CSMD1: variants seen among roughly 807,000 people sequenced by gnomAD.
The protein encoded by CSMD1 is CUB and sushi domain-containing protein 1.
A neutral mutation model predicts 417.5 loss-of-function variants in CSMD1; 213 were observed. That is an observed-to-expected ratio of 0.51 (90% CI 0.46 to 0.57). CSMD1 has a LOEUF of 0.57. CSMD1 is among the 20% of genes least tolerant of loss of function. The pLI is 0.00. For missense variants in CSMD1, 6,923 were observed against 4,529.7 expected, an observed-to-expected ratio of 1.53 and a Z score of -15.17; for synonymous variants, 2,862 against 1,736.8, an observed-to-expected ratio of 1.65 and a Z score of -16.11.
At chr8:4,016,965 C>G (rs1053931949) in intron 4 of CSMD1, among the ~76,000 whole-genome samples, 16 of 152,120 alleles carry the variant, frequency 1.1e-4, no homozygotes, top group African/African-American at 3.9e-4. Flanking sequence ...GTCAAAATCC[C>G]TAATGTCTAA....
At chr8:4,008,558 G>T (rs1272728381) in intron 4 of CSMD1, among the ~76,000 whole-genome samples, 1 of 136,298 alleles carries the variant, frequency 7.3e-6, no homozygotes, top group Non-Finnish European at 1.6e-5. Context: ...GATTGTTAAA[G>T]TTAGCACACA....
At position 4,359,573 on chromosome 8, in the gene CSMD1, G is replaced by C. The variant is rs555531481; in HGVS notation, c.415+60380C>G. 2.0e-4 allele frequency among the ~76,000 whole-genome samples: 31 copies of C among 152,248 alleles called. 1 individual carries two copies. The highest frequency in any genetic ancestry group is 1.7e-3 in the Admixed American group (26 of 15,298). On this transcript the variant is annotated intron_variant, in intron 3 of 69. Transcript: ENST00000635120. ...GCGCAGAAGAGCCCTGTGTTCCTTG[G>C]AGATTACATGGTGTTCTAAAAGACT...
At chr8:4,752,941 G>A (rs1363731086) in intron 1 of CSMD1, among the ~76,000 whole-genome samples, 1 of 152,154 alleles carries the variant, frequency 6.6e-6, no homozygotes, top group South Asian at 2.1e-4. Flanking sequence ...GCGTGATGAT[G>A]CTCACAGCAG....
intron 4 of CSMD1, among the ~76,000 whole-genome samples, chr8:4,025,678 C>G (rs1431758215): frequency 6.6e-6 from 1 of 152,032 alleles, no homozygotes; most frequent in Non-Finnish European, 1.5e-5. Context: ...AGTTGAAAGA[C>G]TCAAGAATAA....
In CSMD1 at chr8:2,978,646, A is replaced by G; in HGVS notation, c.8532T>C (p.Asn2844=). ...TGGGCAGGGATCGGTCCCATAAGCC[A>G]TTTGCCATACAGGTCAAGGCTGAAG... ...LGSSALTCMA[N]GLWDRSLPKC... Residue 2844 remains asparagine, a synonymous_variant, in exon 55 of 70, where the codon AAT becomes AAC. Transcript: ENST00000635120. 2 of 1,604,794 alleles carry G rather than the reference A, an allele frequency of 1.2e-6. No individual in the cohort carries two copies. Among genetic ancestry groups the G allele is most frequent in the African/African-American group, 2.7e-5 (2 of 74,918 alleles).
In CSMD1 at chr8:3,732,049, A is replaced by T. The variant is rs558205826; in HGVS notation, c.931+21881T>A. ...GCTCTCCACATTTTTTAGACAAAAA[A>T]AATGCTCCATTCCTATGACCAAAGA... is the stretch of plus-strand genomic sequence containing the variant. On this transcript the variant is annotated intron_variant, in intron 6 of 69. Coordinates refer to ENST00000635120, the MANE Select transcript of CSMD1 (RefSeq NM_033225.6). Among the ~76,000 whole-genome samples the T allele has an allele frequency of 2.8e-3, 419 of 152,070 alleles. 3 individuals carry two copies. The highest frequency in any genetic ancestry group is 9.5e-3 in the African/African-American group (396 of 41,526).
chr8:4,246,428 G>A (rs184788982), intron 3 of CSMD1, among the ~76,000 whole-genome samples: 1 of 152,118 alleles, frequency 6.6e-6, no homozygotes, highest in Non-Finnish European at 1.5e-5. Context: ...TGTAGAGAAA[G>A]GGCACTCCAT....
intron 22 of CSMD1, among the ~76,000 whole-genome samples, 174 bp downstream of exon 22, chr8:3,347,818 C>G (rs1470596241): frequency 6.6e-6 from 1 of 152,140 alleles, no homozygotes; most frequent in Non-Finnish European, 1.5e-5. Context: ...ATACACTGCT[C>G]TAAGCGAAGT....
At chr8:4,181,756 C>G (rs1239459070) in intron 3 of CSMD1, among the ~76,000 whole-genome samples, 1 of 152,262 alleles carries the variant, frequency 6.6e-6, no homozygotes, top group Non-Finnish European at 1.5e-5. Flanking sequence ...CAATTCTTAT[C>G]TTGTCATTGA....
intron 3 of CSMD1, among the ~76,000 whole-genome samples, chr8:4,260,680 G>T (rs761847343): frequency 2.6e-5 from 4 of 152,078 alleles, no homozygotes; most frequent in Non-Finnish European, 4.4e-5. Flanking sequence ...TTTGCGAGAG[G>T]TTAATCCAAA....
At chr8:3,990,180 CA>C (rs1204679216) in intron 5 of CSMD1, among the ~76,000 whole-genome samples, 1 of 152,034 alleles carries the variant, frequency 6.6e-6, no homozygotes, top group African/African-American at 2.4e-5. Context: ...GGGCCACATA[CA>C]AAAAGAAAGA....
intron 3 of CSMD1, among the ~76,000 whole-genome samples, chr8:4,275,659 CAA>C (rs1309588885): frequency 1.3e-5 from 2 of 152,028 alleles, no homozygotes; most frequent in Non-Finnish European, 2.9e-5. Flanking sequence ...GCAAATAATG[CAA>C]AAATTGTATA....
chr8:4,853,322 A>C (rs921340547), intron 1 of CSMD1, among the ~76,000 whole-genome samples: 7 of 152,204 alleles, frequency 4.6e-5, no homozygotes, highest in African/African-American at 1.4e-4. Context: ...CTCTGAAGCC[A>C]GGAATGCAAG....
chr8:4,434,968 T>A (rs887427913), intron 2 of CSMD1, among the ~76,000 whole-genome samples: 1 of 152,176 alleles, frequency 6.6e-6, no homozygotes, highest in African/African-American at 2.4e-5. Flanking sequence ...ATAGAAAAAA[T>A]GATGTAATCT....
Position 3,399,361 on chromosome 8 carries a change from G to C in CSMD1, c.2405+30C>G, listed in dbSNP as rs552650847. ...ACTATGGAAGAGACACACACCATTGGGTCCAAATGAAGACTAATTTTTTTC... is the reference window on the plus strand; with the variant it reads ...ACTATGGAAGAGACACACACCATTGCGTCCAAATGAAGACTAATTTTTTTC... On this transcript the variant is annotated intron_variant, in intron 16 of 69. Transcript: ENST00000635120. The C allele has an allele frequency of 1.2e-5, 19 of 1,568,790 alleles. No homozygotes were observed. The African/African-American group carries it at 2.0e-4, about 17-fold the overall frequency.
At chr8:4,663,904 A>G (rs1804760516) in intron 1 of CSMD1, among the ~76,000 whole-genome samples, 2 of 152,156 alleles carry the variant, frequency 1.3e-5, no homozygotes, top group South Asian at 4.1e-4. Context: ...TCTTCTCAAA[A>G]TCCAGTGTCA....
Position 3,502,096 on chromosome 8 carries a change from G to A in CSMD1, c.1345-8370C>T, listed in dbSNP as rs150790954. On this transcript the variant is annotated intron_variant, in intron 10 of 69. Coordinates refer to ENST00000635120, the MANE Select transcript of CSMD1 (RefSeq NM_033225.6). ...GAATTTAACACCAACAGCTAAAAAC[G>A]TATGTCCACACAAATCCCAGCACTT... Among the ~76,000 whole-genome samples the A allele has an allele frequency of 1.2e-3, 177 of 152,206 alleles. 3 individuals are homozygous for A. Among genetic ancestry groups the A allele is most frequent in the African/African-American group, 3.9e-3 (163 of 41,542 alleles).
At chr8:4,635,092 C>G (rs1185247475) in intron 2 of CSMD1, among the ~76,000 whole-genome samples, 1 of 152,076 alleles carries the variant, frequency 6.6e-6, no homozygotes, top group Non-Finnish European at 1.5e-5. Context: ...ACATATTTTT[C>G]TCTATTTCAA....
At chr8:4,591,216 A>G (rs1799967087) in intron 2 of CSMD1, among the ~76,000 whole-genome samples, 1 of 152,242 alleles carries the variant, frequency 6.6e-6, no homozygotes, top group Non-Finnish European at 1.5e-5. Flanking sequence ...TGAAGATGAA[A>G]TAAGCAATGA....
Sources: gnomAD v4.1 joint callset for allele counts (sites outside exome capture counted in the v4.1 genomes callset) on GRCh38, gnomAD v4.1.1 for gene constraint, MANE v1.5 for transcripts, NCBI Gene and HGNC (gene_info 2026-07-23, HGNC 2026-07-21) for gene names.